The following TBK1 variants were observed in gnomAD, a reference collection of about 807,000 sequenced individuals.
The protein encoded by TBK1 is TANK binding kinase 1.
Under a neutral mutation model 99.9 loss-of-function variants are expected in TBK1, and 37 were observed. The ratio of observed to expected loss-of-function variants is 0.37; its 90% confidence interval spans 0.28 to 0.49. TBK1 has a LOEUF of 0.49. TBK1 is among the 20% of genes least tolerant of loss of function. TBK1 has a pLI of 0.98. For synonymous variants in TBK1, 258 were observed against 279.8 expected (o/e 0.92, Z 0.78); for missense variants, 644 against 872.5 (o/e 0.74, Z 3.30).
intron 9 of TBK1, 42 bp from the exon 10 acceptor site, chr12:64,485,413 C>A: frequency 2.8e-6 from 3 of 1,088,194 alleles, no homozygotes; most frequent in African/African-American, 1.6e-5. Context: ...GTGATTTTTT[C>A]AAAAAGTTTT....
chr12:64,497,210 G>GTT lies in TBK1; in HGVS notation c.1913_1914dup (p.Asp639LeufsTer36). The GTT allele has an allele frequency of 1.3e-6, 2 of 1,599,454 alleles. No homozygotes were observed. Among genetic ancestry groups the GTT allele is most frequent in the Non-Finnish European group, 1.7e-6 (2 of 1,171,876 alleles). On this transcript the variant is annotated frameshift_variant, in exon 18 of 21. Coordinates refer to ENST00000331710, the MANE Select transcript of TBK1 (RefSeq NM_013254.4). LOFTEE classifies it high-confidence loss of function. ...CAGTTATTATCGCTGACTAATCAGT[G>GTT]TTTTGATATTGAAGAAGAAGTATCA...
At chr12:64,498,093 C>A in intron 20 of TBK1, 54 bp downstream of exon 20, 1 of 1,416,120 alleles carries the variant, frequency 7.1e-7, no homozygotes, top group Non-Finnish European at 9.9e-7. Context: ...AGTTCATTCA[C>A]ATCTGTACTT....
At chr12:64,484,151 T>C in intron 8 of TBK1, 152 bp from the exon 9 acceptor site, 1 of 566,866 alleles carries the variant, frequency 1.8e-6, no homozygotes, top group East Asian at 2.9e-5. Flanking sequence ...GGAATGGAGT[T>C]TGTAGTATCC....
chr12:64,497,912 C>T (rs1175972849), intron 19 of TBK1, 56 bp from the exon 20 acceptor site: 5 of 1,507,982 alleles, frequency 3.3e-6, no homozygotes, highest in Non-Finnish European at 4.6e-6. Context: ...ACATAAACAT[C>T]ATTCTAAAAC....
chr12:64,462,537 A>G (rs1326184759), intron 3 of TBK1, among the ~76,000 whole-genome samples: 1 of 152,208 alleles, frequency 6.6e-6, no homozygotes, highest in Non-Finnish European at 1.5e-5. Context: ...GGAATTATGT[A>G]TACTTCCCAA....
At chr12:64,494,300 C>CAAA (rs113315198) in intron 13 of TBK1, among the ~76,000 whole-genome samples, 1 of 134,376 alleles carries the variant, frequency 7.4e-6, no homozygotes, top group African/African-American at 3.0e-5. Flanking sequence ...CCAACTCTAC[C>CAAA]AAAAAAAAAA....
chr12:64,469,935 C>T (rs2040645442), intron 5 of TBK1, among the ~76,000 whole-genome samples: 1 of 152,134 alleles, frequency 6.6e-6, no homozygotes, highest in Admixed American at 6.6e-5. Flanking sequence ...ACTACTGTTC[C>T]CAGGAGGGCA....
chr12:64,497,621 CTTTTTTT>C lies in TBK1; in HGVS notation c.1960-17_1960-11del. 4 of 1,024,162 alleles carry C rather than the reference CTTTTTTT, an allele frequency of 3.9e-6. No individual in the cohort carries two copies. Among genetic ancestry groups the C allele is most frequent in the Non-Finnish European group, 5.5e-6 (4 of 729,194 alleles). 63.4% of individuals were successfully genotyped at this position (1,024,162 alleles called of 1,614,324 possible). On this transcript the variant is annotated intron_variant, in intron 18 of 20. Coordinates refer to ENST00000331710, the MANE Select transcript of TBK1 (RefSeq NM_013254.4). ...TCTGTGATTAATGTGGGGTTTTTTT[CTTTTTTT>C]TTTTTTTTTGATGTTTCAGTTACAA...
At chr12:64,454,768 C>G (rs1487313061) in intron 1 of TBK1, among the ~76,000 whole-genome samples, 2 of 150,490 alleles carry the variant, frequency 1.3e-5, no homozygotes, top group East Asian at 3.9e-4. Context: ...GCTCCGCCTC[C>G]CGGGTTCCCG....
At position 64,452,143 on chromosome 12, in the gene TBK1, G is replaced by A. The variant is rs921426833; in HGVS notation, c.-76G>A. 1.3e-5 allele frequency: 2 copies of A among 152,212 alleles called. No individual in the cohort carries two copies. Among genetic ancestry groups the A allele is most frequent in the Non-Finnish European group, 2.9e-5 (2 of 68,070 alleles). The allele number at this position is 152,212 out of a possible 1,614,324, so 9.4% of individuals were successfully genotyped here. ...CCGGAAGTGTCCTGAGTCTCGAGGA[G>A]GCCGCGGGAGCCCGCCGGCGGTGGC... On this transcript the variant is annotated 5_prime_UTR_variant, in exon 1 of 21. Transcript: ENST00000331710.
rs1040702168 is a variant in TBK1 at position 64,492,791 on chromosome 12, C to T, written c.1521+2672C>T. Among the ~76,000 whole-genome samples the T allele has an allele frequency of 4.0e-5, 6 of 150,174 alleles. 1 individual carries two copies. The highest frequency in any genetic ancestry group is 5.9e-5 in the Non-Finnish European group (4 of 67,530). On this transcript the variant is annotated intron_variant, in intron 13 of 20. Transcript: ENST00000331710. Reference sequence around the variant, plus strand: ...AGGTTGGAGTGCAATGGCGTAATCTCGGCTCACTGCTACCTCCACCTCCTG... The same window carrying T: ...AGGTTGGAGTGCAATGGCGTAATCTTGGCTCACTGCTACCTCCACCTCCTG...
intron 1 of TBK1, among the ~76,000 whole-genome samples, chr12:64,454,181 GGTAA>G (rs1465228774): frequency 2.6e-5 from 4 of 152,212 alleles, no homozygotes; most frequent in Non-Finnish European, 2.9e-5. Context: ...ATTTGAAGGA[GGTAA>G]GTAACAATAT....
intron 2 of TBK1, among the ~76,000 whole-genome samples, chr12:64,456,722 G>C (rs1024690838): frequency 1.3e-5 from 2 of 151,794 alleles, no homozygotes; most frequent in Admixed American, 1.3e-4. Flanking sequence ...GGCGCCTGTA[G>C]TCCCAGCTAC....
chr12:64,501,000 C>G (rs571251648), intron 20 of TBK1, among the ~76,000 whole-genome samples: 241 of 152,256 alleles, frequency 1.6e-3, no homozygotes, highest in Admixed American at 2.9e-3. Context: ...CTCAAGTGAT[C>G]TGCCTGCCTC....
intron 6 of TBK1, among the ~76,000 whole-genome samples, chr12:64,476,278 C>T (rs1162735813): frequency 2.0e-5 from 3 of 151,064 alleles, no homozygotes; most frequent in Non-Finnish European, 2.9e-5. Context: ...CTGCCTCAGC[C>T]TCCCGAGTAG....
At chr12:64,470,815 A>G (rs748858008) in intron 5 of TBK1, among the ~76,000 whole-genome samples, 25 of 152,164 alleles carry the variant, frequency 1.6e-4, no homozygotes, top group Non-Finnish European at 3.5e-4. Flanking sequence ...TGCTCCCCCA[A>G]TACCAACTAT....
chr12:64,493,190 G>A (rs1459033665), intron 13 of TBK1, among the ~76,000 whole-genome samples: 3 of 149,954 alleles, frequency 2.0e-5, no homozygotes, highest in Admixed American at 6.7e-5. Context: ...CACTGCGCCC[G>A]GCTTCGTAGT....
chr12:64,493,641 A>G (rs1414663561), intron 13 of TBK1, among the ~76,000 whole-genome samples: 1 of 150,330 alleles, frequency 6.7e-6, no homozygotes, highest in African/African-American at 2.4e-5. Context: ...AAAAAAAAGT[A>G]AAGAAGAGTG....
At chr12:64,498,101 C>A in intron 20 of TBK1, 62 bp downstream of exon 20, 1 of 1,342,056 alleles carries the variant, frequency 7.5e-7, no homozygotes, top group Non-Finnish European at 1.0e-6. Context: ...CACATCTGTA[C>A]TTATATCTTC....
Sources: gnomAD v4.1 joint callset for allele counts (sites outside exome capture counted in the v4.1 genomes callset) on GRCh38, gnomAD v4.1.1 for gene constraint, MANE v1.5 for transcripts, NCBI Gene and HGNC (gene_info 2026-07-23, HGNC 2026-07-21) for gene names.